Variants in MGAT5 observed in about 807,000 individuals in gnomAD.
MGAT5 encodes alpha-1,6-mannosylglycoprotein 6-beta-N-acetylglucosaminyltransferase, also known as alpha-1,6-mannosylglycoprotein 6-beta-N-acetylglucosaminyltransferase A.
Under a neutral mutation model 94.3 loss-of-function variants are expected in MGAT5, and 30 were observed. The observed-to-expected ratio is 0.32, with a 90% confidence interval of 0.24 to 0.43. The LOEUF (loss-of-function observed/expected upper bound fraction) is 0.43, where lower values mean the gene tolerates loss of function less well. Ranked by LOEUF, MGAT5 falls within the 20% of genes least tolerant of loss-of-function variation. The pLI, the probability that MGAT5 is intolerant of heterozygous loss-of-function variation, is 1.00. For synonymous variants in MGAT5, 310 were observed against 322.9 expected, an observed-to-expected ratio of 0.96 and a Z score of 0.43; for missense variants, 691 against 905.5, an observed-to-expected ratio of 0.76 and a Z score of 3.04.
chr2:134,238,030 TGA>T (rs1339295461), intron 1 of MGAT5, among the ~76,000 whole-genome samples: 3 of 152,192 alleles, frequency 2.0e-5, no homozygotes, highest in Non-Finnish European at 2.9e-5. Flanking sequence ...ATTACAGGCG[TGA>T]GCCACTGCGC....
intron 12 of MGAT5, among the ~76,000 whole-genome samples, chr2:134,420,062 T>C (rs1684210811): frequency 6.6e-6 from 1 of 152,202 alleles, no homozygotes; most frequent in South Asian, 2.1e-4. Flanking sequence ...TCTTAAGAAC[T>C]TAAAGACATC....
chr2:134,369,693 T>C (rs1680658557), intron 10 of MGAT5, among the ~76,000 whole-genome samples: 1 of 150,392 alleles, frequency 6.6e-6, no homozygotes, highest in Admixed American at 6.7e-5. Flanking sequence ...ATGTTTGCTG[T>C]CTTGGGTGTG....
chr2:134,258,146 T>C (rs910595290), intron 1 of MGAT5, among the ~76,000 whole-genome samples: 1 of 119,618 alleles, frequency 8.4e-6, no homozygotes, highest in Admixed American at 8.5e-5. Flanking sequence ...CTATGACCTA[T>C]GCGCCAAATT....
intron 2 of MGAT5, among the ~76,000 whole-genome samples, chr2:134,315,661 G>C (rs1463358453): frequency 6.6e-6 from 1 of 152,194 alleles, no homozygotes; most frequent in Admixed American, 6.5e-5. Flanking sequence ...GTGGTCCGTG[G>C]TATCTGCCAT....
At chr2:134,372,197 C>A (rs895588468) in intron 10 of MGAT5, among the ~76,000 whole-genome samples, 4 of 152,132 alleles carry the variant, frequency 2.6e-5, no homozygotes, top group African/African-American at 9.7e-5. Context: ...TGCCATGTAG[C>A]CAGCAACCAC....
chr2:134,333,528 T>C (rs1292280799), intron 4 of MGAT5, among the ~76,000 whole-genome samples: 2 of 151,768 alleles, frequency 1.3e-5, no homozygotes, highest in Non-Finnish European at 2.9e-5. Context: ...GGCACATGTA[T>C]ACATATGTAC....
At chr2:134,249,647 T>C (rs764976019), upstream of MGAT5, among the ~76,000 whole-genome samples, 6 of 152,260 alleles carry the variant, frequency 3.9e-5, no homozygotes, top group Admixed American at 6.5e-5. Context: ...ATTTCCTCAG[T>C]TGATGCACAT....
At chr2:134,438,082 T>G (rs1685271015) in intron 14 of MGAT5, among the ~76,000 whole-genome samples, 1 of 151,534 alleles carries the variant, frequency 6.6e-6, no homozygotes, top group Non-Finnish European at 1.5e-5. Context: ...CTCCAAAATC[T>G]GAAACTTGCT....
intron 1 of MGAT5, among the ~76,000 whole-genome samples, chr2:134,134,106 A>G (rs1010819619): frequency 6.6e-6 from 1 of 152,150 alleles, no homozygotes; most frequent in African/African-American, 2.4e-5. Flanking sequence ...AAGCGGGCCA[A>G]GGTGCAGCCT....
chr2:134,440,054 A>C (rs922268475), intron 14 of MGAT5, among the ~76,000 whole-genome samples: 1 of 152,050 alleles, frequency 6.6e-6, no homozygotes, highest in Non-Finnish European at 1.5e-5. Flanking sequence ...TGGTGCTGGT[A>C]CTCCATGTTA....
rs571222922 is a variant in MGAT5 at position 134,428,915 on chromosome 2, A to T, written c.1869+476A>T. Among the ~76,000 whole-genome samples the T allele has an allele frequency of 3.2e-4, 48 of 152,376 alleles. 1 individual carries two copies. The highest frequency in any genetic ancestry group is 8.5e-4 in the Admixed American group (13 of 15,312). ...TTATATGTATATAAAACAGATAAAAAGCAGGACAAAGCCAAGGAGGGTGCC... is the reference window on the plus strand; with the variant it reads ...TTATATGTATATAAAACAGATAAAATGCAGGACAAAGCCAAGGAGGGTGCC... On this transcript the variant is annotated intron_variant, in intron 14 of 15. Coordinates refer to ENST00000281923, the MANE Select transcript of MGAT5 (RefSeq NM_002410.5).
intron 1 of MGAT5, among the ~76,000 whole-genome samples, chr2:134,134,039 G>C (rs1184461973): frequency 6.6e-6 from 1 of 152,160 alleles, no homozygotes; most frequent in Non-Finnish European, 1.5e-5. Flanking sequence ...CTACTCATAG[G>C]AACAATGGGG....
chr2:134,257,782 T>C (rs1191468185), intron 1 of MGAT5, among the ~76,000 whole-genome samples: 1 of 148,086 alleles, frequency 6.8e-6, no homozygotes, highest in Non-Finnish European at 1.5e-5. Context: ...CTCAATGGTA[T>C]AGCTGGGCTG....
chr2:134,135,493 A>G (rs879355505), intron 1 of MGAT5, among the ~76,000 whole-genome samples: 20 of 152,102 alleles, frequency 1.3e-4, no homozygotes, highest in Admixed American at 2.6e-4. Context: ...AGAGATTGAG[A>G]CCATCCTGGC....
Position 134,272,680 on chromosome 2 carries a change from T to A in MGAT5, c.406+2130T>A, listed in dbSNP as rs184681846. 5.8e-4 allele frequency among the ~76,000 whole-genome samples: 89 copies of A among 152,352 alleles called. 1 individual carries two copies. The East Asian group carries it at 7.1e-3, about 12-fold the overall frequency. ...ATGTACATGATTTTACTTAATCTTC[T>A]TAGCATCTCTGAGAAGGGTTTTCAC... is the stretch of plus-strand genomic sequence containing the variant. On this transcript the variant is annotated intron_variant, in intron 2 of 15. Transcript: ENST00000281923.
intron 2 of MGAT5, among the ~76,000 whole-genome samples, chr2:134,272,481 CCAT>C (rs1226611148): frequency 2.0e-5 from 3 of 151,942 alleles, no homozygotes; most frequent in African/African-American, 7.2e-5. Context: ...ACAGTCCATA[CCAT>C]CATAATTTTT....
chr2:134,249,962 G>A (rs1334771264), upstream of MGAT5, among the ~76,000 whole-genome samples: 2 of 152,218 alleles, frequency 1.3e-5, no homozygotes, highest in Non-Finnish European at 2.9e-5. Context: ...TGTGAAGTTA[G>A]TATCTCATTG....
At chr2:134,220,959 A>G (rs1680731538) in intron 1 of MGAT5, among the ~76,000 whole-genome samples, 1 of 151,770 alleles carries the variant, frequency 6.6e-6, no homozygotes. Context: ...ATTTTCCCCC[A>G]TTTACTTTTT....
At chr2:134,181,513 A>T (rs974594665) in intron 1 of MGAT5, among the ~76,000 whole-genome samples, 1 of 152,176 alleles carries the variant, frequency 6.6e-6, no homozygotes, top group Non-Finnish European at 1.5e-5. Flanking sequence ...CATTGTCTGT[A>T]GAGACTGAAA....
Sources: gnomAD v4.1 joint callset for allele counts (sites outside exome capture counted in the v4.1 genomes callset) on GRCh38, gnomAD v4.1.1 for gene constraint, MANE v1.5 for transcripts, NCBI Gene and HGNC (gene_info 2026-07-23, HGNC 2026-07-21) for gene names.